TBXAS1: variants seen among roughly 807,000 people sequenced by gnomAD.
TBXAS1 encodes the protein thromboxane-A synthase.
A neutral mutation model predicts 60.7 loss-of-function variants in TBXAS1; 48 were observed. The ratio of observed to expected loss-of-function variants is 0.79; its 90% CI spans 0.63 to 1.01. The LOEUF (loss-of-function observed/expected upper bound fraction) is 1.01. Among genes scored for constraint, TBXAS1 ranks in the 50% least tolerant of loss-of-function variants. The probability of loss-of-function intolerance (pLI) is 0.00; values close to 1 mark genes in which losing one functional copy is unlikely to be tolerated. For synonymous variants in TBXAS1, 287 were observed against 269.7 expected, an observed-to-expected ratio of 1.06 and a Z score of -0.63; for missense variants, 685 against 686.3, an observed-to-expected ratio of 1.00 and a Z score of 0.02.
chr7:139,827,755 G>C (rs1798482016), upstream of TBXAS1, among the ~76,000 whole-genome samples: 1 of 152,166 alleles, frequency 6.6e-6, no homozygotes, highest in African/African-American at 2.4e-5. Context: ...AGTTTCACTG[G>C]ATACAAAATT....
intron 4 of TBXAS1, among the ~76,000 whole-genome samples, chr7:139,933,369 C>T (rs41734): frequency 0.9 from 137,468 of 152,238 alleles, 62,868 homozygotes; most frequent in Non-Finnish European, 0.98. Context: ...AAAACATCAC[C>T]GCACTTTCCT....
rs958419190 is a variant in TBXAS1 at position 140,004,904 on chromosome 7, A to G, written c.1135-2187A>G. Among the ~76,000 whole-genome samples the G allele has an allele frequency of 1.3e-5, 2 of 152,158 alleles. No homozygotes were observed. The highest frequency in any genetic ancestry group is 4.8e-5 in the African/African-American group (2 of 41,428). ...ACACTGTGTGCTGCCAGCCTAGGGC[A>G]GGGACGGCCACCACCATGCCAACCC... On this transcript the variant is annotated intron_variant, in intron 9 of 12. Transcript: ENST00000448866. The surrounding 1 kb of genome is among the most constrained non-coding windows in gnomAD (Gnocchi z 5.1).
chr7:139,939,370 C>CA (rs61551753), intron 5 of TBXAS1, among the ~76,000 whole-genome samples: 1,210 of 48,392 alleles, frequency 0.025, 10 homozygotes, highest in East Asian at 0.026. Context: ...GACTCCATCT[C>CA]AAAAAAAAAA....
chr7:139,981,955 A>G (rs956407355), intron 9 of TBXAS1, among the ~76,000 whole-genome samples: 3 of 152,256 alleles, frequency 2.0e-5, no homozygotes, highest in African/African-American at 7.2e-5. Context: ...AAATTTGCAT[A>G]ATACAATACA....
At chr7:139,868,490 T>C (rs954580255) in intron 1 of TBXAS1, among the ~76,000 whole-genome samples, 8 of 151,418 alleles carry the variant, frequency 5.3e-5, no homozygotes, top group East Asian at 3.9e-4. Flanking sequence ...TTTATTTATT[T>C]ATTCATTTTT....
At chr7:139,797,024 A>T (rs1211418638) in intron 4 of TBXAS1, among the ~76,000 whole-genome samples, 1 of 152,232 alleles carries the variant, frequency 6.6e-6, no homozygotes, top group African/African-American at 2.4e-5. Flanking sequence ...TGCTCTCATG[A>T]TAGAGACTCA....
chr7:139,857,657 G>T (rs1037664709), intron 1 of TBXAS1, among the ~76,000 whole-genome samples: 5 of 151,934 alleles, frequency 3.3e-5, no homozygotes, highest in Non-Finnish European at 5.9e-5. Context: ...ATTCTCACTG[G>T]GACAGAAGGG....
chr7:140,011,332 T>TA lies in TBXAS1; in HGVS notation c.1226+4160dup, dbSNP rs1252332066. Among the ~76,000 whole-genome samples, 335 of 40,468 alleles carry TA rather than the reference T, an allele frequency of 8.3e-3. 2 individuals carry two copies. The highest frequency in any genetic ancestry group is 0.031 in the African/African-American group (283 of 9,204). 26.5% of individuals were successfully genotyped at this position (40,468 alleles called of 152,430 possible). ...AAACAGTCCCCTAAACAATGAAGAA[T>TA]AAAAAAAAAAGAAAAAAAAGGCCCC... On this transcript the variant is annotated intron_variant, in intron 10 of 12. Transcript: ENST00000448866.
chr7:140,019,990 C>G, intron 12 of TBXAS1, 35 bp from the exon 13 acceptor site: 1 of 1,597,966 alleles, frequency 6.3e-7, no homozygotes. Context: ...ATGCTACTAT[C>G]TCTTTGACAA....
At chr7:139,924,467 G>T (rs781089279) in intron 4 of TBXAS1, among the ~76,000 whole-genome samples, 1 of 151,114 alleles carries the variant, frequency 6.6e-6, no homozygotes, top group Non-Finnish European at 1.5e-5. Flanking sequence ...TTAAACTGTC[G>T]ATTCACATCT....
At chr7:139,872,917 G>A (rs1179151647) in intron 2 of TBXAS1, among the ~76,000 whole-genome samples, 3 of 152,064 alleles carry the variant, frequency 2.0e-5, no homozygotes, top group Non-Finnish European at 4.4e-5. Flanking sequence ...GTCTAAATAC[G>A]TCAGACCCTA....
At chr7:140,016,306 T>A (rs368917596) in intron 11 of TBXAS1, 1 of 250,516 alleles carries the variant, frequency 4.0e-6, no homozygotes, top group East Asian at 1.2e-4. Context: ...CCAGCCTGGG[T>A]GACAGAGCAA....
chr7:139,805,660 CTCTTTCTTTCTTTCTT>C lies in TBXAS1; in HGVS notation c.-80+18274_-80+18289del, dbSNP rs755258646. Among the ~76,000 whole-genome samples, 179 of 101,470 alleles carry C rather than the reference CTCTTTCTTTCTTTCTT, an allele frequency of 1.8e-3. 1 individual carries two copies. Among genetic ancestry groups the C allele is most frequent in the Non-Finnish European group, 2.9e-3 (153 of 51,904 alleles). 66.6% of individuals were successfully genotyped at this position (101,470 alleles called of 152,430 possible). A position where few individuals can be genotyped will look rare whatever the true frequency, so the allele number is the denominator to read the frequency against. The stretch of plus-strand genomic sequence containing the variant: ...CTCCCTCCCTCCCTCCCTTCTTTTT[CTCTTTCTTTCTTTCTT>C]TCTTTCTTTCTTTCTTTCTTTCTTT... On this transcript the variant is annotated intron_variant, in intron 4 of 16. Coordinates refer to the TBXAS1 transcript ENST00000336425.
chr7:139,900,220 T>C (rs2116985444), intron 3 of TBXAS1, among the ~76,000 whole-genome samples: 1 of 152,310 alleles, frequency 6.6e-6, no homozygotes, highest in East Asian at 1.9e-4. Flanking sequence ...TCCTTTCAAA[T>C]TTGTAGGAAT....
intron 4 of TBXAS1, among the ~76,000 whole-genome samples, chr7:139,805,709 TC>T (rs1177850780): frequency 1.2e-4 from 3 of 24,392 alleles, no homozygotes; most frequent in Admixed American, 1.2e-3. Flanking sequence ...TTTCTTTCTT[TC>T]TTTCTCTCTC....
intron 4 of TBXAS1, among the ~76,000 whole-genome samples, chr7:139,805,661 T>TCTTC (rs1329877140): frequency 1.5e-5 from 1 of 66,374 alleles, no homozygotes; most frequent in Non-Finnish European, 2.8e-5. Flanking sequence ...CTTCTTTTTC[T>TCTTC]CTTTCTTTCT....
At chr7:139,943,270 G>T (rs557348789) in intron 5 of TBXAS1, among the ~76,000 whole-genome samples, 1 of 152,304 alleles carries the variant, frequency 6.6e-6, no homozygotes, top group South Asian at 2.1e-4. Flanking sequence ...CATTGGCCTT[G>T]CCTGACCAGT....
chr7:139,808,009 AT>A (rs1797921567), intron 4 of TBXAS1, among the ~76,000 whole-genome samples: 1 of 152,150 alleles, frequency 6.6e-6, no homozygotes. Flanking sequence ...ATTAGACAGT[AT>A]TTCCACCTTA....
In TBXAS1 at chr7:140,002,941, C is replaced by T. The variant is rs542181907; in HGVS notation, c.1135-4150C>T. Among the ~76,000 whole-genome samples the T allele has an allele frequency of 7.2e-5, 11 of 151,890 alleles. 1 individual carries two copies. Among genetic ancestry groups the T allele is most frequent in the East Asian group, 5.9e-4 (3 of 5,076 alleles). On this transcript the variant is annotated intron_variant, in intron 9 of 12. Transcript: ENST00000448866. Reference sequence around the variant, plus strand: ...GAGTTCGAGACCAGCCTGACCAACACGGTGAAACCTCATCTCTACTGAAAA... The same window carrying T: ...GAGTTCGAGACCAGCCTGACCAACATGGTGAAACCTCATCTCTACTGAAAA...
Sources: allele counts gnomAD v4.1 joint callset (sites outside exome capture counted in the v4.1 genomes callset), GRCh38; gene constraint gnomAD v4.1.1; non-coding constraint Gnocchi (gnomAD v3.1); transcripts MANE v1.5; gene names NCBI Gene and HGNC (gene_info 2026-07-23, HGNC 2026-07-21).